ARHGEF33: variants seen among roughly 807,000 people sequenced by gnomAD.
ARHGEF33 encodes the protein DH and coiled-coil domain-containing protein ENSP00000381780.
A neutral mutation model predicts 101.9 loss-of-function variants in ARHGEF33; 72 were observed. That is an observed-to-expected ratio of 0.71 (90% CI 0.58 to 0.86). ARHGEF33 has a LOEUF of 0.86. Ranked by LOEUF, ARHGEF33 falls within the 40% of genes least tolerant of loss-of-function variation. The pLI, the probability that ARHGEF33 is intolerant of heterozygous loss-of-function variation, is 0.00. For missense variants in ARHGEF33, 1,169 were observed against 1,111.3 expected (o/e 1.05, Z -0.74); for synonymous variants, 499 against 442.5 (o/e 1.13, Z -1.60).
intron 9 of ARHGEF33, among the ~76,000 whole-genome samples, chr2:38,941,852 T>TTTTTTTTTTTTTTTTTTTAA (rs1667317665): frequency 6.6e-6 from 1 of 152,092 alleles, no homozygotes; most frequent in African/African-American, 2.4e-5. Context: ...GCCCGTTACC[T>TTTTTTTTTTTTTTTTTTTAA]GATTTTTCTA....
At chr2:38,972,349 G>A (rs1401182321) in intron 17 of ARHGEF33, among the ~76,000 whole-genome samples, 1 of 152,136 alleles carries the variant, frequency 6.6e-6, no homozygotes, top group African/African-American at 2.4e-5. Context: ...GGAGAACTCG[G>A]GGGGGTTCCT....
chr2:38,953,992 C>T (rs1056597194), intron 12 of ARHGEF33, among the ~76,000 whole-genome samples: 3 of 152,232 alleles, frequency 2.0e-5, no homozygotes, highest in African/African-American at 2.4e-5. Context: ...TCCTGAAGCG[C>T]CAAGTCTCCC....
In ARHGEF33 at chr2:38,929,806, G is replaced by A. The variant is rs913840168; in HGVS notation, c.338G>A (p.Arg113Lys). The part of the protein sequence containing the change: ...KIEQLQQEKR[R>K]ESRKVKAKKT... ...GAGCAGCTTCAACAGGAGAAGCGAAGAGAATCTCGAAAAGTTAAAGCCAAG... is the reference window on the plus strand; with the variant it reads ...GAGCAGCTTCAACAGGAGAAGCGAAAAGAATCTCGAAAAGTTAAAGCCAAG... Residue 113 changes from arginine (R) to lysine (K), a missense_variant, in exon 6 of 18, where the codon AGA becomes AAA. By Grantham distance (26) the Arg-to-Lys change is conservative. Transcript: ENST00000409978. 37 of 1,551,386 alleles carry A rather than the reference G, an allele frequency of 2.4e-5. No individual in the cohort carries two copies. Among genetic ancestry groups the A allele is most frequent in the Non-Finnish European group, 3.2e-5 (37 of 1,146,828 alleles).
At position 38,960,175 on chromosome 2, in the gene ARHGEF33, G is replaced by A. The variant is rs780127465; in HGVS notation, c.1870G>A (p.Ala624Thr). 6 of 1,542,882 alleles carry A rather than the reference G, an allele frequency of 3.9e-6. No homozygotes were observed. The highest frequency in any genetic ancestry group is 5.2e-6 in the Non-Finnish European group (6 of 1,144,604). Residue 624 changes from alanine (A) to threonine (T), a missense_variant, in exon 16 of 18, where the codon GCG becomes ACG. Coordinates refer to ENST00000409978, the MANE Select transcript of ARHGEF33 (RefSeq NM_001145451.5). ...EEFEYGGEIF[A>T]LPAPYDEEPF... The stretch of plus-strand genomic sequence containing the variant: ...GTTCGAGTACGGCGGCGAGATCTTC[G>A]CGCTGCCCGCGCCCTACGACGAGGA...
chr2:38,913,681 C>T (rs998547505), intron 2 of ARHGEF33, among the ~76,000 whole-genome samples: 3 of 151,228 alleles, frequency 2.0e-5, no homozygotes, highest in African/African-American at 4.9e-5. Flanking sequence ...GAGGCCGAGG[C>T]ACGAGAATCA....
chr2:38,946,285 C>G (rs2124405673), intron 10 of ARHGEF33, among the ~76,000 whole-genome samples: 1 of 152,292 alleles, frequency 6.6e-6, no homozygotes, highest in African/African-American at 2.4e-5. Context: ...TGACCCATCA[C>G]TGGGAGGAAG....
chr2:38,891,375 C>A (rs1180800296), intron 1 of ARHGEF33, among the ~76,000 whole-genome samples: 2 of 152,102 alleles, frequency 1.3e-5, no homozygotes, highest in Non-Finnish European at 2.9e-5. Flanking sequence ...CCCTTCCTCT[C>A]TCCTTTCCTC....
chr2:38,890,090 T>C (rs1665963093), intron 1 of ARHGEF33, 104 bp downstream of exon 1: 1 of 242,646 alleles, frequency 4.1e-6, no homozygotes, highest in Non-Finnish European at 8.9e-6. Flanking sequence ...CTAATTTAAA[T>C]CCAATATATG....
chr2:38,894,790 G>A (rs1199962195), intron 1 of ARHGEF33, among the ~76,000 whole-genome samples: 4 of 152,216 alleles, frequency 2.6e-5, no homozygotes, highest in Non-Finnish European at 5.9e-5. Context: ...TAGCTGTGAG[G>A]AAGAGGGGAA....
At chr2:38,906,891 A>C (rs1348744177) in intron 2 of ARHGEF33, among the ~76,000 whole-genome samples, 4 of 151,918 alleles carry the variant, frequency 2.6e-5, no homozygotes, top group Non-Finnish European at 5.9e-5. Context: ...CTGGGAGGTC[A>C]AGGCTGCAGT....
chr2:38,935,204 A>G (rs1667102286), intron 7 of ARHGEF33, among the ~76,000 whole-genome samples: 3 of 152,140 alleles, frequency 2.0e-5, no homozygotes, highest in Admixed American at 1.3e-4. Flanking sequence ...TTTTTGAGAC[A>G]GGGTCTTGCT....
At chr2:38,914,852 C>G (rs1666597173) in intron 2 of ARHGEF33, among the ~76,000 whole-genome samples, 1 of 151,792 alleles carries the variant, frequency 6.6e-6, no homozygotes, top group Non-Finnish European at 1.5e-5. Context: ...GAAAAAATAC[C>G]AGAGATTATT....
chr2:38,929,293 G>A (rs745777262), intron 5 of ARHGEF33, among the ~76,000 whole-genome samples: 64 of 152,134 alleles, frequency 4.2e-4, no homozygotes, highest in Non-Finnish European at 7.3e-4. Context: ...GCCGGGTGTG[G>A]TGGCAGGCGC....
chr2:38,934,130 C>T (rs557782905), intron 7 of ARHGEF33, among the ~76,000 whole-genome samples: 2 of 152,308 alleles, frequency 1.3e-5, no homozygotes, highest in South Asian at 2.1e-4. Context: ...ATTCTACCCA[C>T]TCAATATTGG....
At chr2:38,930,432 T>G (rs1483222981) in intron 6 of ARHGEF33, among the ~76,000 whole-genome samples, 2 of 151,876 alleles carry the variant, frequency 1.3e-5, no homozygotes, top group Non-Finnish European at 2.9e-5. Flanking sequence ...ACTGCAGCCT[T>G]GAACTCCTGG....
intron 13 of ARHGEF33, 116 bp from the exon 14 acceptor site, chr2:38,956,783 T>C (rs545371582): frequency 7.9e-7 from 1 of 1,273,322 alleles, no homozygotes; most frequent in East Asian, 2.5e-5. Flanking sequence ...GTATTGTTCA[T>C]TGTTTTGATT....
At position 38,953,069 on chromosome 2, in the gene ARHGEF33, C is replaced by G. The variant is rs1467661908; in HGVS notation, c.1054-93C>G. Reference sequence around the variant, plus strand: ...TATTAAATGAATAAGATAATCTCTGCAAAGTACTCTTCTTTTACATATATG... The same window carrying G: ...TATTAAATGAATAAGATAATCTCTGGAAAGTACTCTTCTTTTACATATATG... On this transcript the variant is annotated intron_variant, in intron 11 of 17. Coordinates refer to ENST00000409978, the MANE Select transcript of ARHGEF33 (RefSeq NM_001145451.5). The G allele has an allele frequency of 4.4e-6, 3 of 682,236 alleles. No homozygotes were observed. The Admixed American group carries it at 7.0e-5, about 16-fold the overall frequency. The allele number at this position is 682,236 out of a possible 1,614,324, so 42.3% of individuals were successfully genotyped here.
Position 38,950,972 on chromosome 2 carries a change from C to T in ARHGEF33, c.921-17C>T. 2 of 1,550,662 alleles carry T rather than the reference C, an allele frequency of 1.3e-6. No homozygotes were observed. Among genetic ancestry groups the T allele is most frequent in the South Asian group, 2.4e-5 (2 of 83,632 alleles). ...CTACACCTTGTTTGTGTGATTCCGT[C>T]TCTATTCTGTTTCAAGCCTCTTCCC... On this transcript the variant is annotated splice_polypyrimidine_tract_variant and intron_variant, in intron 10 of 17. Coordinates refer to ENST00000409978, the MANE Select transcript of ARHGEF33 (RefSeq NM_001145451.5).
chr2:38,911,366 A>C (rs1322938301), intron 2 of ARHGEF33, among the ~76,000 whole-genome samples: 1 of 152,164 alleles, frequency 6.6e-6, no homozygotes, highest in African/African-American at 2.4e-5. Flanking sequence ...AATAAAGGAC[A>C]CTGAAATGGA....
Sources: allele counts gnomAD v4.1 joint callset (sites outside exome capture counted in the v4.1 genomes callset), GRCh38; gene constraint gnomAD v4.1.1; transcripts MANE v1.5; gene names NCBI Gene and HGNC (gene_info 2026-07-23, HGNC 2026-07-21).